The following ABCA12 variants were observed in gnomAD, a reference collection of about 807,000 sequenced individuals.
The protein encoded by ABCA12 is glucosylceramide transporter ABCA12.
Under a neutral mutation model 293.5 loss-of-function variants are expected in ABCA12, and 156 were observed. The ratio of observed to expected loss-of-function variants is 0.53; its 90% confidence interval spans 0.47 to 0.61. The LOEUF (loss-of-function observed/expected upper bound fraction) is 0.61. ABCA12 is among the 20% of genes least tolerant of loss of function. The probability of loss-of-function intolerance (pLI) is 0.00; values close to 1 mark genes in which losing one functional copy is unlikely to be tolerated. For synonymous variants in ABCA12, 1,063 were observed against 1,108.0 expected, an observed-to-expected ratio of 0.96 and a Z score of 0.81; for missense variants, 2,797 against 3,090.2, an observed-to-expected ratio of 0.91 and a Z score of 2.25.
At chr2:215,038,632 C>T (rs1701037085) in intron 7 of ABCA12, among the ~76,000 whole-genome samples, 1 of 152,186 alleles carries the variant, frequency 6.6e-6, no homozygotes, top group African/African-American at 2.4e-5. Flanking sequence ...TGTTGGGTTA[C>T]TTCCAAACCC....
At chr2:215,016,614 A>AAAAAAAAAC (rs1700512226) in intron 14 of ABCA12, among the ~76,000 whole-genome samples, 1 of 138,974 alleles carries the variant, frequency 7.2e-6, no homozygotes, top group African/African-American at 2.6e-5. Flanking sequence ...AAAAAAAAAA[A>AAAAAAAAAC]GACTTTGCTC....
At chr2:215,125,849 G>C (rs1297912278) in intron 1 of ABCA12, among the ~76,000 whole-genome samples, 1 of 152,116 alleles carries the variant, frequency 6.6e-6, no homozygotes, top group Non-Finnish European at 1.5e-5. Context: ...GGCGTGGTGA[G>C]AGTGGACATC....
At chr2:214,977,395 C>T (rs1437198260) in intron 33 of ABCA12, among the ~76,000 whole-genome samples, 1 of 152,154 alleles carries the variant, frequency 6.6e-6, no homozygotes, top group African/African-American at 2.4e-5. Flanking sequence ...AGAACTATGA[C>T]AGAGGACAAA....
intron 3 of ABCA12, among the ~76,000 whole-genome samples, chr2:215,062,018 C>T (rs771620344): frequency 1.3e-5 from 2 of 152,028 alleles, no homozygotes; most frequent in Non-Finnish European, 2.9e-5. Context: ...TTTCTCACAG[C>T]TCCTCTAATG....
intron 48 of ABCA12, among the ~76,000 whole-genome samples, chr2:214,945,919 G>A (rs1698567536): frequency 6.6e-6 from 1 of 152,124 alleles, no homozygotes. Flanking sequence ...GTTACTGGAG[G>A]CTGGAGGCAT....
At chr2:214,965,404 G>T (rs1699230764) in intron 39 of ABCA12, among the ~76,000 whole-genome samples, 1 of 152,160 alleles carries the variant, frequency 6.6e-6, no homozygotes, top group Admixed American at 6.5e-5. Flanking sequence ...AAACTAAAGA[G>T]CTTCTGCATA....
chr2:215,092,668 C>T (rs1702171523), intron 2 of ABCA12, among the ~76,000 whole-genome samples: 1 of 152,146 alleles, frequency 6.6e-6, no homozygotes, highest in South Asian at 2.1e-4. Context: ...CTCCTTACAA[C>T]TCTCCTATCC....
chr2:215,115,854 G>A (rs931077047), intron 1 of ABCA12, among the ~76,000 whole-genome samples: 2 of 152,238 alleles, frequency 1.3e-5, no homozygotes, highest in Non-Finnish European at 2.9e-5. Context: ...TTAGAAGGGT[G>A]AAGAGGACAT....
At chr2:215,042,634 G>A (rs1217855799) in intron 7 of ABCA12, among the ~76,000 whole-genome samples, 1 of 152,112 alleles carries the variant, frequency 6.6e-6, no homozygotes, top group East Asian at 1.9e-4. Flanking sequence ...TGTATACAAT[G>A]TGTAAAGCTC....
At position 215,010,354 on chromosome 2, in the gene ABCA12, CTG is replaced by C; in HGVS notation, c.2447_2448del (p.Pro816ArgfsTer29). 1 of 1,613,698 alleles carries C rather than the reference CTG, an allele frequency of 6.2e-7. No individual in the cohort carries two copies. Among genetic ancestry groups the C allele is most frequent in the Non-Finnish European group, 8.5e-7 (1 of 1,179,724 alleles). ...LGRILYAPYN[P>X]VTKAIMEKSN... ...ACCTTTTCCATTATTGCCTTTGTGA[CTG>C]GGTTATATGGTGCATACAAAATTCT... On this transcript the variant is annotated frameshift_variant, in exon 18 of 53. Transcript: ENST00000272895. LOFTEE classifies it high-confidence loss of function.
At chr2:215,095,538 A>G (rs1042780269) in intron 2 of ABCA12, among the ~76,000 whole-genome samples, 1 of 152,042 alleles carries the variant, frequency 6.6e-6, no homozygotes, top group African/African-American at 2.4e-5. Context: ...CACCTCCCCT[A>G]ATCCTGCTCG....
chr2:214,978,904 T>C lies in ABCA12; in HGVS notation c.4877A>G (p.Lys1626Arg), dbSNP rs755213098. ...GAGTGACAGGTAGGCCCCTGAGACT[T>C]TGGTGCTGAATGGAGGAAGTACATA... ...LVYVLPPFST[K>R]VSGAYLSLLR... Residue 1626 changes from lysine to arginine, a missense_variant, in exon 32 of 53, where the codon AAA becomes AGA. Physicochemically the swap from Lys to Arg is conservative, Grantham distance 26 (BLOSUM62 2). This residue lies in a region of ABCA12 where 2,130 missense variants were observed against 2,427.0 expected (regional missense o/e 0.88). Coordinates refer to ENST00000272895, the MANE Select transcript of ABCA12 (RefSeq NM_173076.3). 3.9e-5 allele frequency: 63 copies of C among 1,613,894 alleles called. 1 individual carries two copies. The South Asian group carries it at 6.7e-4, about 17-fold the overall frequency.
chr2:215,112,477 GTTTTTTTTGTT>G (rs761657889), intron 1 of ABCA12, among the ~76,000 whole-genome samples: 8,505 of 127,702 alleles, frequency 0.067, 800 homozygotes, highest in African/African-American at 0.23. Flanking sequence ...ATTTCTTTGG[GTTTTTTTTGTT>G]TTTTTTTTGT....
chr2:215,110,704 A>C (rs1702554651), intron 2 of ABCA12, among the ~76,000 whole-genome samples: 1 of 152,220 alleles, frequency 6.6e-6, no homozygotes, highest in Non-Finnish European at 1.5e-5. Context: ...ATTCAAAAAC[A>C]CTAATTATTT....
At chr2:215,043,637 A>G (rs1701145411) in intron 7 of ABCA12, among the ~76,000 whole-genome samples, 1 of 152,128 alleles carries the variant, frequency 6.6e-6, no homozygotes, top group Non-Finnish European at 1.5e-5. Context: ...TTTAAATACA[A>G]TAAGATGCAC....
intron 26 of ABCA12, among the ~76,000 whole-genome samples, chr2:214,989,060 T>C (rs1699850348): frequency 6.7e-6 from 1 of 149,292 alleles, no homozygotes; most frequent in African/African-American, 2.5e-5. Context: ...GTGCCTATAA[T>C]CCCAGCTACT....
chr2:214,970,211 T>C (rs1699355853), intron 37 of ABCA12, 62 bp downstream of exon 37: 1 of 1,527,304 alleles, frequency 6.5e-7, no homozygotes, highest in Non-Finnish European at 8.9e-7. Context: ...ATTGTCTCTT[T>C]AGAAGGCAGC....
rs1698954253 is a variant in ABCA12 at position 214,956,545 on chromosome 2, T to A, written c.6233+118A>T. The A allele has an allele frequency of 5.5e-6, 4 of 725,066 alleles. No homozygotes were observed. The Admixed American group carries it at 9.5e-5, about 17-fold the overall frequency. The allele number at this position is 725,066 out of a possible 1,614,324, so 44.9% of individuals were successfully genotyped here. A position where few individuals can be genotyped will look rare whatever the true frequency, so the allele number is the denominator to read the frequency against. The stretch of plus-strand genomic sequence containing the variant: ...AGTGCAATGTGTTGTTAGTCATCAC[T>A]CATGTCAAATGAAACCCCAAGACAA... On this transcript the variant is annotated intron_variant, in intron 42 of 52. Transcript: ENST00000272895.
chr2:214,938,062 C>T (rs1453131525), intron 50 of ABCA12, among the ~76,000 whole-genome samples: 1 of 152,076 alleles, frequency 6.6e-6, no homozygotes, highest in Non-Finnish European at 1.5e-5. Context: ...CCCACCAACC[C>T]ATCATCTACA....
Sources: allele counts gnomAD v4.1 joint callset (sites outside exome capture counted in the v4.1 genomes callset), GRCh38; gene constraint gnomAD v4.1.1; regional missense constraint gnomAD v4.1.1; transcripts MANE v1.5; gene names NCBI Gene and HGNC (gene_info 2026-07-23, HGNC 2026-07-21).